MACROD2: variants seen among roughly 807,000 people sequenced by gnomAD.
The protein encoded by MACROD2 is mono-ADP ribosylhydrolase 2.
MACROD2 carries 36 observed loss-of-function variants against 70.4 expected under a neutral mutation model. The observed-to-expected ratio is 0.51, with a 90% CI of 0.39 to 0.68. MACROD2 has a LOEUF of 0.68. Among genes scored for constraint, MACROD2 ranks in the 30% least tolerant of loss-of-function variants. The pLI, the probability that MACROD2 is intolerant of heterozygous loss-of-function variation, is 0.00. For missense variants in MACROD2, 496 were observed against 538.4 expected (o/e 0.92, Z 0.78); for synonymous variants, 172 against 178.8 (o/e 0.96, Z 0.30).
intron 8 of MACROD2, among the ~76,000 whole-genome samples, chr20:15,510,157 C>T (rs2047479563): frequency 6.6e-6 from 1 of 152,144 alleles, no homozygotes; most frequent in South Asian, 2.1e-4. Flanking sequence ...TTTAAAGCTC[C>T]TTATGAAATT....
chr20:15,877,274 C>G (rs1370079774), intron 9 of MACROD2, among the ~76,000 whole-genome samples: 1 of 152,156 alleles, frequency 6.6e-6, no homozygotes, highest in African/African-American at 2.4e-5. Flanking sequence ...TGTTTCTCCA[C>G]TCCTCAATCC....
At chr20:15,069,254 CA>C (rs971343651) in intron 5 of MACROD2, among the ~76,000 whole-genome samples, 2 of 151,760 alleles carry the variant, frequency 1.3e-5, no homozygotes, top group African/African-American at 4.8e-5. Context: ...GATATGGGAG[CA>C]AAAAAATGAC....
intron 5 of MACROD2, among the ~76,000 whole-genome samples, chr20:14,693,556 C>T (rs146818172): frequency 8.5e-5 from 13 of 152,216 alleles, no homozygotes; most frequent in African/African-American, 2.9e-4. Flanking sequence ...GTGAACACTT[C>T]GTGAATGTAT....
intron 15 of MACROD2, among the ~76,000 whole-genome samples, chr20:16,001,548 CAT>C (rs888782438): frequency 4.6e-5 from 7 of 152,146 alleles, no homozygotes; most frequent in Non-Finnish European, 7.4e-5. Context: ...CATAGAAGCA[CAT>C]GAGTTCATTT....
At chr20:14,271,237 C>T (rs1270517637) in intron 3 of MACROD2, among the ~76,000 whole-genome samples, 2 of 152,186 alleles carry the variant, frequency 1.3e-5, no homozygotes, top group African/African-American at 4.8e-5. Flanking sequence ...AACTGGGAGG[C>T]ACCCCCCAGT....
At chr20:15,412,895 A>T (rs753886467) in intron 6 of MACROD2, among the ~76,000 whole-genome samples, 1 of 152,228 alleles carries the variant, frequency 6.6e-6, no homozygotes, top group Non-Finnish European at 1.5e-5. Flanking sequence ...GAGTCATTAC[A>T]TACTTAAAAA....
intron 6 of MACROD2, among the ~76,000 whole-genome samples, chr20:15,257,226 G>A (rs4813174): frequency 0.47 from 71,691 of 151,526 alleles, 19,505 homozygotes; most frequent in African/African-American, 0.74. Context: ...GCTATGATCT[G>A]ATTTATGTCA....
At chr20:14,673,610 T>C (rs535558589) in intron 4 of MACROD2, among the ~76,000 whole-genome samples, 38 of 152,158 alleles carry the variant, frequency 2.5e-4, no homozygotes, top group African/African-American at 8.7e-4. Flanking sequence ...ACTTGTTGAA[T>C]TTCTTCAACT....
At chr20:15,631,813 T>C (rs1053168558) in intron 8 of MACROD2, among the ~76,000 whole-genome samples, 2 of 152,170 alleles carry the variant, frequency 1.3e-5, no homozygotes, top group African/African-American at 4.8e-5. Context: ...TTGATTTCAC[T>C]GGTCTAGAGG....
chr20:15,682,689 A>G (rs906756305), intron 8 of MACROD2, among the ~76,000 whole-genome samples: 5 of 152,188 alleles, frequency 3.3e-5, no homozygotes, highest in Non-Finnish European at 2.9e-5. Flanking sequence ...CTTTCTTATC[A>G]TATTTGACTA....
chr20:14,001,224 T>C (rs965553457), intron 1 of MACROD2, among the ~76,000 whole-genome samples: 3 of 152,206 alleles, frequency 2.0e-5, no homozygotes, highest in African/African-American at 7.2e-5. Flanking sequence ...TTTCCCTATC[T>C]GCAAAATTGG....
intron 6 of MACROD2, among the ~76,000 whole-genome samples, chr20:15,249,698 C>T (rs915401789): frequency 6.6e-6 from 1 of 152,206 alleles, no homozygotes; most frequent in Non-Finnish European, 1.5e-5. Flanking sequence ...GATCATGCAA[C>T]GTTCCTTTTC....
At chr20:15,210,546 T>C (rs545299216) in intron 5 of MACROD2, among the ~76,000 whole-genome samples, 7 of 132,132 alleles carry the variant, frequency 5.3e-5, no homozygotes, top group Non-Finnish European at 3.2e-5. Context: ...TTTATTCTTT[T>C]CTTCTGTTTT....
chr20:15,028,695 G>A (rs2075251958), intron 5 of MACROD2, among the ~76,000 whole-genome samples: 1 of 152,130 alleles, frequency 6.6e-6, no homozygotes, highest in African/African-American at 2.4e-5. Flanking sequence ...GGAAGCCATG[G>A]CTGAGCTGAG....
intron 10 of MACROD2, among the ~76,000 whole-genome samples, chr20:15,904,880 CAAAAAAAAA>C (rs10556594): frequency 6.1e-4 from 79 of 129,050 alleles, no homozygotes; most frequent in African/African-American, 2.2e-3. Flanking sequence ...GACTCTGTCT[CAAAAAAAAA>C]AAAAAAAAAA....
intron 3 of MACROD2, among the ~76,000 whole-genome samples, chr20:14,349,720 T>C (rs1309238084): frequency 6.6e-6 from 1 of 150,648 alleles, no homozygotes; most frequent in Non-Finnish European, 1.5e-5. Flanking sequence ...GAACATGTGA[T>C]GTTCGTCTTT....
intron 5 of MACROD2, among the ~76,000 whole-genome samples, chr20:14,818,871 G>A (rs1468033820): frequency 7.5e-6 from 1 of 134,220 alleles, no homozygotes; most frequent in Non-Finnish European, 1.6e-5. Context: ...GATAGAGGTG[G>A]CTGCTGTGAT....
At chr20:14,330,459 A>G (rs545770851) in intron 3 of MACROD2, among the ~76,000 whole-genome samples, 79 of 152,214 alleles carry the variant, frequency 5.2e-4, no homozygotes, top group South Asian at 1.7e-3. Flanking sequence ...CAACAAGTAT[A>G]GCATCTGTTC....
chr20:14,864,551 G>A (rs184866641), intron 5 of MACROD2, among the ~76,000 whole-genome samples: 1 of 152,200 alleles, frequency 6.6e-6, no homozygotes, highest in African/African-American at 2.4e-5. Context: ...TAAAAACATA[G>A]TTGTTAGATA....
Sources: gnomAD v4.1 joint callset for allele counts (sites outside exome capture counted in the v4.1 genomes callset) on GRCh38, gnomAD v4.1.1 for gene constraint, MANE v1.5 for transcripts, NCBI Gene and HGNC (gene_info 2026-07-23, HGNC 2026-07-21) for gene names.